The following RAPGEF2 variants were observed in gnomAD, a reference collection of about 807,000 sequenced individuals.
RAPGEF2 encodes Rap guanine nucleotide exchange factor 2.
A neutral mutation model predicts 186.7 loss-of-function variants in RAPGEF2; 54 were observed. That is an observed-to-expected ratio of 0.29 (90% CI 0.23 to 0.36). The LOEUF (loss-of-function observed/expected upper bound fraction) is 0.36, where lower values mean the gene tolerates loss of function less well. RAPGEF2 is among the 10% of genes least tolerant of loss of function. The pLI is 1.00. For missense variants in RAPGEF2, 1,532 were observed against 2,045.0 expected, an observed-to-expected ratio of 0.75 and a Z score of 4.84; for synonymous variants, 712 against 705.9, an observed-to-expected ratio of 1.01 and a Z score of -0.14.
intron 7 of RAPGEF2, 89 bp downstream of exon 7, chr4:159,243,880 G>A (rs1754300802): frequency 1.0e-6 from 1 of 981,384 alleles, no homozygotes; most frequent in South Asian, 1.3e-5. Context: ...ATATTCATAT[G>A]TTTTGCTTCG....
chr4:159,246,017 A>C (rs1271446811), intron 7 of RAPGEF2, among the ~76,000 whole-genome samples: 1 of 152,130 alleles, frequency 6.6e-6, no homozygotes, highest in Non-Finnish European at 1.5e-5. Flanking sequence ...TACAAATCTG[A>C]ATCAGGAGAC....
At chr4:159,149,214 A>G (rs142993300) in intron 1 of RAPGEF2, among the ~76,000 whole-genome samples, 3 of 152,246 alleles carry the variant, frequency 2.0e-5, no homozygotes, top group Admixed American at 1.3e-4. Context: ...ACTTAAAACT[A>G]TTGCTTTTTG....
At chr4:159,322,568 T>C in intron 10 of RAPGEF2, 85 bp downstream of exon 10, 1 of 1,224,508 alleles carries the variant, frequency 8.2e-7, no homozygotes. Context: ...ATTCTTACTT[T>C]TTCCTTTTTA....
intron 3 of RAPGEF2, among the ~76,000 whole-genome samples, chr4:159,196,766 GT>G (rs1748696563): frequency 6.6e-6 from 1 of 152,172 alleles, no homozygotes; most frequent in Non-Finnish European, 1.5e-5. Flanking sequence ...TGCTTTAAAT[GT>G]TTGTCAGGAA....
intron 1 of RAPGEF2, among the ~76,000 whole-genome samples, chr4:159,114,118 A>C (rs1017169688): frequency 1.8e-4 from 26 of 147,898 alleles, no homozygotes; most frequent in Admixed American, 4.7e-4. Context: ...ATACCTGGCT[A>C]ATTTTTTTTT....
chr4:159,336,989 CTTTA>C (rs931830602), intron 17 of RAPGEF2, among the ~76,000 whole-genome samples: 1 of 152,062 alleles, frequency 6.6e-6, no homozygotes, highest in Non-Finnish European at 1.5e-5. Context: ...TTGCTTATTG[CTTTA>C]TTTGAGTTTT....
At chr4:159,256,945 T>G (rs1194920277) in intron 7 of RAPGEF2, among the ~76,000 whole-genome samples, 2 of 152,184 alleles carry the variant, frequency 1.3e-5, no homozygotes, top group African/African-American at 4.8e-5. Context: ...TATTAGACCT[T>G]TGTCAGGTGG....
At position 159,298,654 on chromosome 4, in the gene RAPGEF2, A is replaced by G. The variant is rs1157604840; in HGVS notation, c.544-5688A>G. ...GCATGCCTAGAGAAAGAGAAACAAT[A>G]TGAATGGCTTTTAAAATAACTTGAG... On this transcript the variant is annotated intron_variant, in intron 7 of 29. Coordinates refer to ENST00000691494, the MANE Select transcript of RAPGEF2 (RefSeq NM_001394067.2). Among the ~76,000 whole-genome samples the G allele has an allele frequency of 2.0e-5, 3 of 152,204 alleles. No homozygotes were observed. In the East Asian group the frequency reaches 5.8e-4, roughly 29 times the overall value.
At chr4:159,117,853 A>G (rs1409779883) in intron 1 of RAPGEF2, among the ~76,000 whole-genome samples, 1 of 152,206 alleles carries the variant, frequency 6.6e-6, no homozygotes, top group Non-Finnish European at 1.5e-5. Context: ...TTAATACAAC[A>G]TAAACTTGCT....
intron 2 of RAPGEF2, among the ~76,000 whole-genome samples, chr4:159,192,183 G>A (rs1331602434): frequency 6.6e-6 from 1 of 152,174 alleles, no homozygotes; most frequent in Non-Finnish European, 1.5e-5. Flanking sequence ...TGTATGCTTA[G>A]TAAGATGTAT....
chr4:159,141,899 T>G (rs1413462402), intron 1 of RAPGEF2, among the ~76,000 whole-genome samples: 9 of 152,280 alleles, frequency 5.9e-5, no homozygotes, highest in African/African-American at 2.2e-4. Flanking sequence ...AGAGACAGGC[T>G]CAACAAACAA....
intron 5 of RAPGEF2, chr4:159,240,970 A>G: frequency 2.4e-6 from 1 of 418,588 alleles, no homozygotes; most frequent in African/African-American, 2.0e-5. Context: ...TTCAAGAGTT[A>G]CCCATATTGT....
At chr4:159,346,729 C>G (rs1301837316) in intron 24 of RAPGEF2, 60 bp from the exon 25 acceptor site, 1 of 1,380,906 alleles carries the variant, frequency 7.2e-7, no homozygotes, top group Admixed American at 1.8e-5. Context: ...GAATTATCTT[C>G]TACATACCTA....
chr4:159,355,856 GA>G lies in RAPGEF2; in HGVS notation c.4658del (p.Lys1553ArgfsTer72). On this transcript the variant is annotated frameshift_variant, in exon 29 of 30. Coordinates refer to ENST00000691494, the MANE Select transcript of RAPGEF2 (RefSeq NM_001394067.2). LOFTEE classifies it high-confidence loss of function. ...TGGTGCATTGTTTCTACTCTAGCAC[GA>G]AAGGAGGGCAGGTATCGAGAGCCCC... is the stretch of plus-strand genomic sequence containing the variant. Reference protein sequence around the residue: ...ASSTTKGLIARKEGRYREPPP... With the variant: ...ASSTTKGLIAXKEGRYREPPP... 1 of 1,544,864 alleles carries G rather than the reference GA, an allele frequency of 6.5e-7. No individual in the cohort carries two copies. Among genetic ancestry groups the G allele is most frequent in the Non-Finnish European group, 8.8e-7 (1 of 1,142,824 alleles).
At chr4:159,326,054 A>G (rs1366195157) in intron 11 of RAPGEF2, among the ~76,000 whole-genome samples, 2 of 152,190 alleles carry the variant, frequency 1.3e-5, no homozygotes, top group Non-Finnish European at 2.9e-5. Context: ...CCACTGTAAA[A>G]GGAATATGTT....
chr4:159,324,022 G>C (rs779964451), intron 11 of RAPGEF2, among the ~76,000 whole-genome samples: 1 of 151,438 alleles, frequency 6.6e-6, no homozygotes, highest in South Asian at 2.1e-4. Context: ...TCAGCCTCCC[G>C]AGCAGCTGGG....
intron 3 of RAPGEF2, among the ~76,000 whole-genome samples, chr4:159,197,684 T>C (rs1275261044): frequency 2.0e-5 from 3 of 152,240 alleles, no homozygotes; most frequent in Non-Finnish European, 4.4e-5. Flanking sequence ...TGAGCTCTTG[T>C]TGCTTTTAGC....
At chr4:159,290,230 T>G (rs6842228) in intron 7 of RAPGEF2, among the ~76,000 whole-genome samples, 94,302 of 152,136 alleles carry the variant, frequency 0.62, 30,516 homozygotes, top group African/African-American at 0.78. Flanking sequence ...GGTCAATTTT[T>G]TAAGTTCTGG....
intron 5 of RAPGEF2, 135 bp from the exon 6 acceptor site, chr4:159,241,066 T>C: frequency 1.5e-6 from 1 of 655,954 alleles, no homozygotes; most frequent in Non-Finnish European, 2.3e-6. Context: ...ACACTTGAAG[T>C]TTGTCTAGAT....
Sources: gnomAD v4.1 joint callset for allele counts (sites outside exome capture counted in the v4.1 genomes callset) on GRCh38, gnomAD v4.1.1 for gene constraint, MANE v1.5 for transcripts, NCBI Gene and HGNC (gene_info 2026-07-23, HGNC 2026-07-21) for gene names.